Variants in TNIK observed in about 807,000 individuals in gnomAD.
The protein encoded by TNIK is TRAF2 and NCK interacting kinase, also known as TRAF2 and NCK-interacting protein kinase.
A neutral mutation model predicts 191.3 loss-of-function variants in TNIK; 49 were observed. The ratio of observed to expected loss-of-function variants is 0.26; its 90% CI spans 0.20 to 0.32. The LOEUF (loss-of-function observed/expected upper bound fraction) is 0.32, where lower values mean the gene tolerates loss of function less well. Ranked by LOEUF, TNIK falls within the 10% of genes least tolerant of loss-of-function variation. TNIK has a pLI of 1.00. For missense variants in TNIK, 1,155 were observed against 1,702.3 expected (o/e 0.68, Z 5.66); for synonymous variants, 594 against 600.9 (o/e 0.99, Z 0.17).
chr3:171,119,143 A>T (rs1478192125), intron 18 of TNIK, among the ~76,000 whole-genome samples: 1 of 152,248 alleles, frequency 6.6e-6, no homozygotes, highest in Non-Finnish European at 1.5e-5. Context: ...ATATGAACAG[A>T]CACTTCTCAA....
intron 2 of TNIK, among the ~76,000 whole-genome samples, chr3:171,271,875 G>A (rs912996662): frequency 6.6e-6 from 1 of 152,194 alleles, no homozygotes. Context: ...TTCCAATTAT[G>A]TTTAATTCTC....
At chr3:171,295,007 G>A (rs1007827203) in intron 2 of TNIK, among the ~76,000 whole-genome samples, 1 of 147,596 alleles carries the variant, frequency 6.8e-6, no homozygotes, top group Non-Finnish European at 1.5e-5. Context: ...GGCCAGGGAA[G>A]AGAGAGAGAG....
At chr3:171,430,612 C>T (rs1360962068) in intron 1 of TNIK, among the ~76,000 whole-genome samples, 3 of 140,478 alleles carry the variant, frequency 2.1e-5, no homozygotes, top group African/African-American at 8.0e-5. Context: ...GCATTCAGCC[C>T]TGGCCCAGAG....
At chr3:171,161,898 C>T (rs550463291) in intron 10 of TNIK, among the ~76,000 whole-genome samples, 161 of 151,884 alleles carry the variant, frequency 1.1e-3, no homozygotes, top group African/African-American at 3.3e-3. Context: ...CTAGCATGGG[C>T]GACAGAGCGA....
chr3:171,090,841 T>A (rs893232317), intron 23 of TNIK, among the ~76,000 whole-genome samples: 3 of 152,154 alleles, frequency 2.0e-5, no homozygotes, highest in African/African-American at 7.2e-5. Context: ...TCTGACAGGA[T>A]CATGAGTGTT....
intron 2 of TNIK, among the ~76,000 whole-genome samples, chr3:171,333,481 TGGGAGGCAGAGGTTGCA>T (rs991270523): frequency 7.4e-5 from 11 of 149,444 alleles, no homozygotes; most frequent in East Asian, 2.0e-4. Context: ...CGCTTGAACC[TGGGAGGCAGAGGTTGCA>T]GGGAGGCAGA....
intron 12 of TNIK, among the ~76,000 whole-genome samples, chr3:171,154,352 A>T (rs569994142): frequency 1.3e-5 from 2 of 152,146 alleles, no homozygotes; most frequent in South Asian, 2.1e-4. Context: ...CAATGTTAGG[A>T]TGGTCTTGAA....
chr3:171,097,965 A>G (rs1489467432), intron 22 of TNIK, among the ~76,000 whole-genome samples: 1 of 152,200 alleles, frequency 6.6e-6, no homozygotes, highest in Admixed American at 6.5e-5. Context: ...CTATACTGAT[A>G]TAAATGATGG....
intron 1 of TNIK, among the ~76,000 whole-genome samples, chr3:171,424,223 C>T (rs763496920): frequency 1.4e-4 from 22 of 152,140 alleles, no homozygotes; most frequent in Non-Finnish European, 2.9e-4. Context: ...CCAAAAGACA[C>T]ATGAAAAAAT....
chr3:171,105,815 C>A (rs908112133), intron 21 of TNIK, among the ~76,000 whole-genome samples: 1 of 152,178 alleles, frequency 6.6e-6, no homozygotes, highest in Non-Finnish European at 1.5e-5. Flanking sequence ...ACATGCACAG[C>A]CATTTTATTG....
At chr3:171,407,229 T>C (rs896142968) in intron 1 of TNIK, among the ~76,000 whole-genome samples, 5 of 152,078 alleles carry the variant, frequency 3.3e-5, no homozygotes, top group African/African-American at 1.2e-4. Flanking sequence ...CTGACAGAGG[T>C]CAGTGCTGGA....
At chr3:171,227,614 A>G (rs1743110564) in intron 3 of TNIK, among the ~76,000 whole-genome samples, 1 of 152,202 alleles carries the variant, frequency 6.6e-6, no homozygotes, top group Admixed American at 6.6e-5. Context: ...AAATTTAATT[A>G]GAGTGATGTA....
At chr3:171,189,471 G>GT (rs1195133695) in intron 6 of TNIK, among the ~76,000 whole-genome samples, 2 of 152,090 alleles carry the variant, frequency 1.3e-5, no homozygotes, top group African/African-American at 2.4e-5. Context: ...AAAAATAGGT[G>GT]TTAAAAAAAA....
chr3:171,177,299 G>A (rs754627197), intron 8 of TNIK, 27 bp downstream of exon 8: 1 of 1,598,296 alleles, frequency 6.3e-7, no homozygotes, highest in South Asian at 1.1e-5. Flanking sequence ...ACCAGCAACA[G>A]ATTTCACCCC....
chr3:171,254,991 C>A (rs1407717202), intron 2 of TNIK, among the ~76,000 whole-genome samples: 1 of 152,130 alleles, frequency 6.6e-6, no homozygotes, highest in Non-Finnish European at 1.5e-5. Context: ...AATCATATGG[C>A]TTTTCCAAAG....
At chr3:171,241,155 C>T (rs890751320) in intron 2 of TNIK, among the ~76,000 whole-genome samples, 2 of 151,950 alleles carry the variant, frequency 1.3e-5, no homozygotes, top group African/African-American at 2.4e-5. Context: ...CTCAGCCTCC[C>T]GAGTAGCTGG....
chr3:171,407,816 T>G (rs1320862932), intron 1 of TNIK, among the ~76,000 whole-genome samples: 1 of 152,230 alleles, frequency 6.6e-6, no homozygotes, highest in African/African-American at 2.4e-5. Flanking sequence ...GGCGCCCATC[T>G]ATCTCATCAG....
intron 2 of TNIK, among the ~76,000 whole-genome samples, chr3:171,319,494 C>G (rs1166965235): frequency 1.3e-5 from 2 of 151,802 alleles, no homozygotes; most frequent in Non-Finnish European, 2.9e-5. Context: ...TTTTTAATAG[C>G]TTTGGGAAGA....
chr3:171,438,919 T>C (rs2108682206), intron 1 of TNIK, among the ~76,000 whole-genome samples: 1 of 152,124 alleles, frequency 6.6e-6, no homozygotes, highest in South Asian at 2.1e-4. Context: ...AGTTTCAGAG[T>C]CCTATGTCCC....
Sources: allele counts gnomAD v4.1 joint callset (sites outside exome capture counted in the v4.1 genomes callset), GRCh38; gene constraint gnomAD v4.1.1; transcripts MANE v1.5; gene names NCBI Gene and HGNC (gene_info 2026-07-23, HGNC 2026-07-21).